AMPH: variants seen among roughly 807,000 people sequenced by gnomAD.
AMPH encodes the protein amphiphysin, also known as amphiphysin (Stiff-Mann syndrome with breast cancer 128kD autoantigen).
AMPH carries 49 observed loss-of-function variants against 99.1 expected under a neutral mutation model. That is an observed-to-expected ratio of 0.49 (90% CI 0.39 to 0.63). The LOEUF (loss-of-function observed/expected upper bound fraction) is 0.63. Among genes scored for constraint, AMPH ranks in the 20% least tolerant of loss-of-function variants. The pLI, the probability that AMPH is intolerant of heterozygous loss-of-function variation, is 0.00. For synonymous variants in AMPH, 314 were observed against 317.3 expected, an observed-to-expected ratio of 0.99 and a Z score of 0.11; for missense variants, 759 against 863.4, an observed-to-expected ratio of 0.88 and a Z score of 1.52.
chr7:38,430,729 T>C (rs1785981433), intron 13 of AMPH, among the ~76,000 whole-genome samples: 1 of 152,202 alleles, frequency 6.6e-6, no homozygotes, highest in African/African-American at 2.4e-5. Flanking sequence ...TTTTTGTGAA[T>C]ATATGAGTAA....
chr7:38,601,036 G>A (rs1308782998), intron 1 of AMPH, among the ~76,000 whole-genome samples: 3 of 152,258 alleles, frequency 2.0e-5, no homozygotes, highest in East Asian at 1.9e-4. Flanking sequence ...GCACAGAGAC[G>A]CCGAACTCTC....
chr7:38,583,461 A>AAAT (rs1792539431), intron 1 of AMPH, among the ~76,000 whole-genome samples: 1 of 152,222 alleles, frequency 6.6e-6, no homozygotes, highest in African/African-American at 2.4e-5. Context: ...CTTAAACTTG[A>AAAT]AATAATAATA....
intron 15 of AMPH, among the ~76,000 whole-genome samples, chr7:38,425,647 T>C (rs997026657): frequency 1.3e-5 from 2 of 152,026 alleles, no homozygotes; most frequent in Non-Finnish European, 1.5e-5. Context: ...AGGGGGCGAA[T>C]TGGGTGGGTA....
intron 1 of AMPH, among the ~76,000 whole-genome samples, chr7:38,627,905 G>A (rs1411567659): frequency 1.3e-5 from 2 of 152,070 alleles, no homozygotes; most frequent in African/African-American, 4.8e-5. Context: ...TGAGCTTTCT[G>A]ACACCTGCAT....
chr7:38,428,533 C>T, intron 14 of AMPH: 2 of 456,720 alleles, frequency 4.4e-6, no homozygotes, highest in Non-Finnish European at 8.8e-6. Context: ...TGAATTTCTT[C>T]AGCATCTGTA....
intron 1 of AMPH, among the ~76,000 whole-genome samples, chr7:38,579,690 T>C (rs1792374933): frequency 6.6e-6 from 1 of 152,204 alleles, no homozygotes; most frequent in Non-Finnish European, 1.5e-5. Context: ...TGCAATGACA[T>C]TTATGTCAAT....
At chr7:38,583,951 G>T (rs894933126) in intron 1 of AMPH, among the ~76,000 whole-genome samples, 6 of 152,196 alleles carry the variant, frequency 3.9e-5, no homozygotes, top group Non-Finnish European at 7.3e-5. Flanking sequence ...GCTCTATAAT[G>T]ACAGGGTTAG....
chr7:38,500,967 A>C (rs7801034), intron 3 of AMPH, among the ~76,000 whole-genome samples: 98,451 of 151,382 alleles, frequency 0.65, 32,064 homozygotes, highest in East Asian at 0.79. Flanking sequence ...GTAAGTGCTC[A>C]TGAAAAAGTA....
Position 38,570,958 on chromosome 7 carries a change from A to T in AMPH, c.70-35947T>A, listed in dbSNP as rs371496952. Among the ~76,000 whole-genome samples the T allele has an allele frequency of 3.0e-3, 197 of 65,302 alleles. 1 individual carries two copies. The highest frequency in any genetic ancestry group is 4.2e-3 in the Non-Finnish European group (130 of 31,114). 42.8% of individuals were successfully genotyped at this position (65,302 alleles called of 152,430 possible). On this transcript the variant is annotated intron_variant, in intron 1 of 20. Coordinates refer to ENST00000356264, the MANE Select transcript of AMPH (RefSeq NM_001635.4). ...ATATATATATATTTATATATATAGA[A>T]TATATATATAGAATATATATATATT...
In AMPH at chr7:38,631,233, AAGCCCCCGCCTGGCGTCCCCGGCCCC is replaced by A. The variant is rs772509288; in HGVS notation, c.69+24_69+49del. On this transcript the variant is annotated intron_variant, in intron 1 of 20. Coordinates refer to ENST00000356264, the MANE Select transcript of AMPH (RefSeq NM_001635.4). ...CAGCTGCAGCCGGTGCCCTCCGGCC[AAGCCCCCGCCTGGCGTCCCCGGCCCC>A]AGCCCCGGCCGCCCGCCGCTGACCT... 3 of 1,487,898 alleles carry A rather than the reference AAGCCCCCGCCTGGCGTCCCCGGCCCC, an allele frequency of 2.0e-6. No individual in the cohort carries two copies. In the South Asian group the frequency reaches 3.8e-5, roughly 19 times the overall value. The allele number at this position is 1,487,898 out of a possible 1,614,324, so 92.2% of individuals were successfully genotyped here.
intron 1 of AMPH, among the ~76,000 whole-genome samples, chr7:38,569,542 G>A (rs904707673): frequency 1.3e-5 from 2 of 151,752 alleles, no homozygotes; most frequent in Non-Finnish European, 2.9e-5. Flanking sequence ...AAAAAAAAAG[G>A]AACATAAAGA....
intron 1 of AMPH, among the ~76,000 whole-genome samples, chr7:38,594,465 C>T (rs926917381): frequency 3.3e-5 from 5 of 152,118 alleles, no homozygotes; most frequent in Admixed American, 2.6e-4. Context: ...TGCTTTGATT[C>T]CATGTGATCT....
chr7:38,540,236 T>A (rs1790759789), intron 1 of AMPH, among the ~76,000 whole-genome samples: 2 of 152,208 alleles, frequency 1.3e-5, no homozygotes, highest in African/African-American at 2.4e-5. Context: ...CATTGACACG[T>A]TAGTATTTTG....
intron 11 of AMPH, 32 bp downstream of exon 11, chr7:38,461,251 A>C: frequency 6.2e-7 from 1 of 1,612,018 alleles, no homozygotes; most frequent in Non-Finnish European, 8.5e-7. Flanking sequence ...TGGGACTTTC[A>C]TGGACATACC....
intron 9 of AMPH, chr7:38,464,209 T>C: frequency 1.8e-6 from 2 of 1,087,304 alleles, no homozygotes; most frequent in Non-Finnish European, 1.2e-6. Context: ...GATGAATTTG[T>C]CCCTTTCATT....
intron 17 of AMPH, among the ~76,000 whole-genome samples, chr7:38,403,811 G>A (rs570517020): frequency 6.6e-6 from 1 of 152,362 alleles, no homozygotes; most frequent in South Asian, 2.1e-4. Flanking sequence ...CCACCATTGT[G>A]GATGCAGAGC....
At chr7:38,388,477 A>G (rs2128973077) in intron 20 of AMPH, among the ~76,000 whole-genome samples, 1 of 150,718 alleles carries the variant, frequency 6.6e-6, no homozygotes, top group African/African-American at 2.4e-5. Flanking sequence ...ATTTATTTTT[A>G]TTATTTTCTT....
At chr7:38,610,140 G>A (rs919853042) in intron 1 of AMPH, among the ~76,000 whole-genome samples, 2 of 149,576 alleles carry the variant, frequency 1.3e-5, no homozygotes, top group Admixed American at 1.4e-4. Flanking sequence ...GGAGGCTGAG[G>A]CAGGAGAATT....
At chr7:38,598,843 T>C (rs904996927) in intron 1 of AMPH, among the ~76,000 whole-genome samples, 3 of 152,284 alleles carry the variant, frequency 2.0e-5, no homozygotes, top group Admixed American at 1.3e-4. Context: ...GCTTGTAATC[T>C]TGATATTCCT....
Sources: allele counts gnomAD v4.1 joint callset (sites outside exome capture counted in the v4.1 genomes callset), GRCh38; gene constraint gnomAD v4.1.1; transcripts MANE v1.5; gene names NCBI Gene and HGNC (gene_info 2026-07-23, HGNC 2026-07-21).